SCIN: variants seen among roughly 807,000 people sequenced by gnomAD.
SCIN encodes the protein scinderin.
SCIN carries 91 observed loss-of-function variants against 91.8 expected under a neutral mutation model. That is an observed-to-expected ratio of 0.99 (90% CI 0.84 to 1.18). The LOEUF is 1.18. Among genes scored for constraint, SCIN ranks in the 50% most tolerant of loss-of-function variants. The probability of loss-of-function intolerance (pLI) is 0.00; values close to 1 mark genes in which losing one functional copy is unlikely to be tolerated. For synonymous variants in SCIN, 367 were observed against 312.6 expected (o/e 1.17, Z -1.84); for missense variants, 1,087 against 863.9 (o/e 1.26, Z -3.24).
intron 3 of SCIN, among the ~76,000 whole-genome samples, chr7:12,585,181 C>T (rs1275052240): frequency 2.0e-5 from 3 of 152,274 alleles, no homozygotes; most frequent in South Asian, 2.1e-4. Flanking sequence ...CACAGTTCCT[C>T]GGAAAATGTT....
chr7:12,611,887 C>T lies in SCIN; in HGVS notation c.666+7224C>T, dbSNP rs529565432. Among the ~76,000 whole-genome samples the T allele has an allele frequency of 1.1e-4, 16 of 151,398 alleles. 3 individuals are homozygous for T. Among genetic ancestry groups the T allele is most frequent in the African/African-American group, 3.9e-4 (16 of 41,222 alleles). On this transcript the variant is annotated intron_variant, in intron 4 of 15. Transcript: ENST00000297029. ...TGATCATGCCTGTGAATATCCACTG[C>T]ACTCCAGCCTGGGCAACATAAAGTA...
At chr7:12,584,165 T>C (rs554939663) in intron 3 of SCIN, among the ~76,000 whole-genome samples, 74 of 152,290 alleles carry the variant, frequency 4.9e-4, no homozygotes, top group Non-Finnish European at 5.9e-5. Flanking sequence ...TATTTTGGGG[T>C]GTGTCAGTAA....
At position 12,640,086 on chromosome 7, in the gene SCIN, A is replaced by G. The variant is rs148624620; in HGVS notation, c.1411-261A>G. 5.9e-3 allele frequency among the ~76,000 whole-genome samples: 904 copies of G among 152,304 alleles called. 7 individuals are homozygous for G. The highest frequency in any genetic ancestry group is 0.021 in the African/African-American group (869 of 41,570). ...ATCTTCATACTTTTCAAAAACAGAA[A>G]GTATTGGAGCATGGTGATGTTTCCC... On this transcript the variant is annotated intron_variant, in intron 10 of 15. Transcript: ENST00000297029.
intron 1 of SCIN, among the ~76,000 whole-genome samples, chr7:12,576,956 G>C (rs1450986515): frequency 2.0e-5 from 3 of 152,168 alleles, no homozygotes; most frequent in Non-Finnish European, 4.4e-5. Context: ...GTAGTAAAGA[G>C]TTTGAAGTGT....
At chr7:12,576,123 T>C (rs1782364897) in intron 1 of SCIN, among the ~76,000 whole-genome samples, 1 of 152,180 alleles carries the variant, frequency 6.6e-6, no homozygotes, top group Non-Finnish European at 1.5e-5. Context: ...TTAACACCTT[T>C]GATGTTAACC....
chr7:12,594,401 TG>T (rs1782793334), intron 3 of SCIN, among the ~76,000 whole-genome samples: 1 of 151,566 alleles, frequency 6.6e-6, no homozygotes, highest in African/African-American at 2.4e-5. Context: ...GAGAGAAGGG[TG>T]GTTACGGAGA....
chr7:12,638,690 T>A (rs982958579), intron 10 of SCIN, among the ~76,000 whole-genome samples: 1 of 152,200 alleles, frequency 6.6e-6, no homozygotes, highest in East Asian at 1.9e-4. Context: ...AAGGCTGAAG[T>A]TGGTCTTCCA....
chr7:12,594,135 G>C (rs1188180053), intron 3 of SCIN, among the ~76,000 whole-genome samples: 2 of 152,140 alleles, frequency 1.3e-5, no homozygotes, highest in Non-Finnish European at 2.9e-5. Context: ...GAGCGGGTGA[G>C]GGGAGGAGGC....
rs188085591 is a variant in SCIN, at chr7:12,653,907, C to A, written c.*1192C>A. 1 of 152,292 alleles carries A rather than the reference C, an allele frequency of 6.6e-6. No homozygotes were observed. Among genetic ancestry groups the A allele is most frequent in the East Asian group, 1.9e-4 (1 of 5,190 alleles). The allele number at this position is 152,292 out of a possible 1,614,324, so 9.4% of individuals were successfully genotyped here. A position where few individuals can be genotyped will look rare whatever the true frequency, so the allele number is the denominator to read the frequency against. ...GCAGTTACCCTGATTCTATTCCATT[C>A]CATTCTATTCTATTCTATTATTTCA... On this transcript the variant is annotated 3_prime_UTR_variant, in exon 16 of 16. Coordinates refer to ENST00000297029, the MANE Select transcript of SCIN (RefSeq NM_001112706.3). The surrounding 1 kb of genome is among the most constrained non-coding windows in gnomAD (Gnocchi z 4.1).
At position 12,628,774 on chromosome 7, in the gene SCIN, A is replaced by G. The variant is rs753468459; in HGVS notation, c.1198-327A>G. On this transcript the variant is annotated intron_variant, in intron 8 of 15. Coordinates refer to ENST00000297029, the MANE Select transcript of SCIN (RefSeq NM_001112706.3). ...AAAAAATTAACTATAAAATAGATAT[A>G]TATTTCTGAGCTGAATCTTGCAGTT... 7.2e-5 allele frequency among the ~76,000 whole-genome samples: 11 copies of G among 152,260 alleles called. 1 individual carries two copies. The Middle Eastern group carries it at 0.01, about 141-fold the overall frequency.
rs777230659 is a variant in SCIN, at chr7:12,636,172, A to G, written c.1410+37A>G. The G allele has an allele frequency of 4.6e-6, 7 of 1,516,072 alleles. No homozygotes were observed. The East Asian group carries it at 1.4e-4, about 30-fold the overall frequency. 93.9% of individuals were successfully genotyped at this position (1,516,072 alleles called of 1,614,324 possible). On this transcript the variant is annotated intron_variant, in intron 10 of 15. Coordinates refer to ENST00000297029, the MANE Select transcript of SCIN (RefSeq NM_001112706.3). ...TTTACCCCCAAAACTCACACAAGTTAAAGTCTTGCTAGCTCAATGGATAGC... is the reference window on the plus strand; with the variant it reads ...TTTACCCCCAAAACTCACACAAGTTGAAGTCTTGCTAGCTCAATGGATAGC...
chr7:12,604,960 T>C (rs1284949041), intron 4 of SCIN, among the ~76,000 whole-genome samples: 2 of 152,144 alleles, frequency 1.3e-5, no homozygotes, highest in Non-Finnish European at 2.9e-5. Context: ...ACTTCTGAAA[T>C]TGACCGTAAG....
chr7:12,614,342 A>G (rs1370419078), intron 4 of SCIN, among the ~76,000 whole-genome samples: 2 of 152,164 alleles, frequency 1.3e-5, no homozygotes, highest in African/African-American at 4.8e-5. Context: ...AATTGCTGCA[A>G]AAGAGCTAAC....
intron 11 of SCIN, among the ~76,000 whole-genome samples, chr7:12,641,556 A>G (rs755544283): frequency 1.1e-4 from 16 of 151,608 alleles, no homozygotes; most frequent in Non-Finnish European, 2.1e-4. Flanking sequence ...CACTATTTCC[A>G]TCTCTCCGGC....
At position 12,626,815 on chromosome 7, in the gene SCIN, T is replaced by G. The variant is rs1783534967; in HGVS notation, c.1197+16T>G. On this transcript the variant is annotated intron_variant, in intron 8 of 15. Coordinates refer to ENST00000297029, the MANE Select transcript of SCIN (RefSeq NM_001112706.3). The stretch of plus-strand genomic sequence containing the variant: ...CAAAGTGGAGGTATTTACCTGTTTT[T>G]GTTTTTATCAAGCCCATTAATGCCA... 6.9e-6 allele frequency: 11 copies of G among 1,588,732 alleles called. No individual in the cohort carries two copies. The highest frequency in any genetic ancestry group is 8.6e-6 in the Non-Finnish European group (10 of 1,166,222).
chr7:12,625,671 A>G, intron 6 of SCIN, 91 bp from the exon 7 acceptor site: 1 of 959,050 alleles, frequency 1.0e-6, no homozygotes, highest in East Asian at 2.6e-5. Context: ...TTCAATTATA[A>G]TCATGTTTAT....
At chr7:12,621,861 A>G (rs1783417923) in intron 4 of SCIN, among the ~76,000 whole-genome samples, 3 of 151,858 alleles carry the variant, frequency 2.0e-5, no homozygotes, top group Non-Finnish European at 1.5e-5. Context: ...GTTTTCTGGT[A>G]TTTTGCAGTA....
intron 3 of SCIN, among the ~76,000 whole-genome samples, chr7:12,586,864 G>A (rs1782598746): frequency 6.6e-6 from 1 of 152,116 alleles, no homozygotes; most frequent in African/African-American, 2.4e-5. Flanking sequence ...CTCAAATGCA[G>A]GGACTTAAAA....
At chr7:12,623,941 C>T (rs765841108) in intron 5 of SCIN, among the ~76,000 whole-genome samples, 39 of 152,122 alleles carry the variant, frequency 2.6e-4, no homozygotes, top group Admixed American at 5.2e-4. Flanking sequence ...TTAAAAATTA[C>T]TATTTCTAAA....
Sources: allele counts gnomAD v4.1 joint callset (sites outside exome capture counted in the v4.1 genomes callset), GRCh38; gene constraint gnomAD v4.1.1; non-coding constraint Gnocchi (gnomAD v3.1); transcripts MANE v1.5; gene names NCBI Gene and HGNC (gene_info 2026-07-23, HGNC 2026-07-21).